CLVS1: variants seen among roughly 807,000 people sequenced by gnomAD.
CLVS1 encodes clavesin 1, also known as clavesin-1.
A neutral mutation model predicts 33.1 loss-of-function variants in CLVS1; 10 were observed. The ratio of observed to expected loss-of-function variants is 0.30; its 90% confidence interval spans 0.19 to 0.51. The LOEUF is 0.51. Among genes scored for constraint, CLVS1 ranks in the 20% least tolerant of loss-of-function variants. The pLI, the probability that CLVS1 is intolerant of heterozygous loss-of-function variation, is 0.97. For missense variants in CLVS1, 343 were observed against 433.4 expected (o/e 0.79, Z 1.85); for synonymous variants, 163 against 166.1 (o/e 0.98, Z 0.14).
intron 1 of CLVS1, among the ~76,000 whole-genome samples, chr8:61,057,413 C>CACACA (rs1207837305): frequency 1.4e-5 from 2 of 144,352 alleles, no homozygotes; most frequent in African/African-American, 5.3e-5. Flanking sequence ...CACACACACA[C>CACACA]CCCATCCAAG....
intron 5 of CLVS1, among the ~76,000 whole-genome samples, chr8:61,497,851 C>T (rs187470195): frequency 6.6e-6 from 1 of 152,262 alleles, no homozygotes. Flanking sequence ...ATTCATGCCT[C>T]CGCTTTTTAG....
intron 5 of CLVS1, among the ~76,000 whole-genome samples, chr8:61,475,470 T>A (rs1387561398): frequency 6.6e-6 from 1 of 152,226 alleles, no homozygotes; most frequent in Non-Finnish European, 1.5e-5. Flanking sequence ...GTTTCCTGAC[T>A]TTTTAATGAT....
chr8:61,056,212 A>G (rs569212071), upstream of CLVS1, among the ~76,000 whole-genome samples: 3 of 152,300 alleles, frequency 2.0e-5, no homozygotes, highest in African/African-American at 7.2e-5. Flanking sequence ...GAGGCTTTTG[A>G]CTCCAACAGT....
At chr8:61,078,999 A>G (rs1055468313) in intron 1 of CLVS1, among the ~76,000 whole-genome samples, 1 of 152,204 alleles carries the variant, frequency 6.6e-6, no homozygotes, top group Non-Finnish European at 1.5e-5. Context: ...TGAGAAAAAA[A>G]TAGGTAGAAA....
intron 5 of CLVS1, among the ~76,000 whole-genome samples, chr8:61,486,685 T>G (rs1410578151): frequency 2.0e-5 from 3 of 152,128 alleles, no homozygotes; most frequent in Non-Finnish European, 4.4e-5. Flanking sequence ...TGAGGAGGAA[T>G]AACTGGTCCT....
chr8:61,086,844 G>A (rs1299479075), intron 1 of CLVS1, among the ~76,000 whole-genome samples: 1 of 152,172 alleles, frequency 6.6e-6, no homozygotes, highest in South Asian at 2.1e-4. Flanking sequence ...AGTTGTATTC[G>A]TGTGGTGCTT....
chr8:61,448,540 C>T (rs1380068801), intron 3 of CLVS1, among the ~76,000 whole-genome samples: 1 of 151,886 alleles, frequency 6.6e-6, no homozygotes, highest in African/African-American at 2.4e-5. Flanking sequence ...AGCCCATCTG[C>T]TAAGCTTTTT....
chr8:61,075,544 C>A (rs780935339), intron 1 of CLVS1, among the ~76,000 whole-genome samples: 6 of 152,292 alleles, frequency 3.9e-5, no homozygotes, highest in South Asian at 2.1e-4. Flanking sequence ...CCTCTCTAAC[C>A]TTAAACTAAG....
chr8:61,499,596 C>T lies in CLVS1; in HGVS notation c.*54C>T. 2 of 1,364,970 alleles carry T rather than the reference C, an allele frequency of 1.5e-6. No homozygotes were observed. The highest frequency in any genetic ancestry group is 2.3e-5 in the South Asian group (2 of 85,638). The allele number at this position is 1,364,970 out of a possible 1,614,324, so 84.6% of individuals were successfully genotyped here. ...ACTGGCCTTCAGTGGTATCAGCCAC[C>T]CAGGAAGCACATGCACAACTGACCC... On this transcript the variant is annotated 3_prime_UTR_variant, in exon 6 of 6. Transcript: ENST00000325897.
chr8:61,276,893 C>T (rs1809570162), intron 2 of CLVS1, among the ~76,000 whole-genome samples: 1 of 152,178 alleles, frequency 6.6e-6, no homozygotes, highest in Non-Finnish European at 1.5e-5. Flanking sequence ...TGGCTTCAGT[C>T]CAATGTCCCA....
intron 2 of CLVS1, among the ~76,000 whole-genome samples, chr8:61,256,980 A>G (rs1288469779): frequency 6.6e-6 from 1 of 152,200 alleles, no homozygotes; most frequent in Non-Finnish European, 1.5e-5. Flanking sequence ...ATTATACTGT[A>G]TAGTTTTGGG....
At chr8:61,022,180 A>G in the CLVS1 span, among the ~76,000 whole-genome samples, 1 of 152,236 alleles carries the variant, frequency 6.6e-6, no homozygotes, top group African/African-American at 2.4e-5. Context: ...TTCCCTGCAC[A>G]TCCTCACGGC....
intron 1 of CLVS1, among the ~76,000 whole-genome samples, chr8:61,105,022 G>A (rs1209421794): frequency 6.6e-6 from 1 of 151,960 alleles, no homozygotes; most frequent in Non-Finnish European, 1.5e-5. Flanking sequence ...TAGAGACAGG[G>A]TTTCACTATG....
At chr8:61,462,717 T>G (rs2087899) in intron 5 of CLVS1, among the ~76,000 whole-genome samples, 93,426 of 152,054 alleles carry the variant, frequency 0.61, 33,884 homozygotes, top group Non-Finnish European at 0.79. Flanking sequence ...TAAAATACTC[T>G]GTAAACCGTG....
intron 2 of CLVS1, among the ~76,000 whole-genome samples, chr8:61,280,858 G>A (rs568550026): frequency 2.6e-5 from 4 of 152,206 alleles, no homozygotes; most frequent in South Asian, 4.1e-4. Flanking sequence ...GAACTCCTGA[G>A]CTCAAGCAAT....
At chr8:61,065,443 G>A (rs944458976) in intron 1 of CLVS1, among the ~76,000 whole-genome samples, 1 of 152,112 alleles carries the variant, frequency 6.6e-6, no homozygotes, top group African/African-American at 2.4e-5. Context: ...TTTGAGAGGG[G>A]CACAAATAAA....
At chr8:61,026,119 T>C in the CLVS1 span, among the ~76,000 whole-genome samples, 5 of 151,646 alleles carry the variant, frequency 3.3e-5, no homozygotes, top group African/African-American at 7.3e-5. Context: ...AGGGTCTTTA[T>C]AGAGGTACTT....
intron 2 of CLVS1, among the ~76,000 whole-genome samples, chr8:61,331,770 C>A (rs768752193): frequency 6.6e-5 from 10 of 151,870 alleles, no homozygotes; most frequent in Non-Finnish European, 1.3e-4. Context: ...CCTTTTTCTA[C>A]ATTTTCTCAT....
At chr8:61,095,145 C>T (rs1332154364) in intron 1 of CLVS1, among the ~76,000 whole-genome samples, 2 of 152,124 alleles carry the variant, frequency 1.3e-5, no homozygotes, top group Admixed American at 6.5e-5. Flanking sequence ...TGAAAGAAGC[C>T]ACTCTGAGAA....
Sources: gnomAD v4.1 joint callset for allele counts (sites outside exome capture counted in the v4.1 genomes callset) on GRCh38, gnomAD v4.1.1 for gene constraint, MANE v1.5 for transcripts, NCBI Gene and HGNC (gene_info 2026-07-23, HGNC 2026-07-21) for gene names.